The following TRAPPC2L variants were observed in gnomAD, a reference collection of about 807,000 sequenced individuals.
TRAPPC2L encodes the protein trafficking protein particle complex subunit 2L.
In TRAPPC2L, 17 loss-of-function variants were observed where a neutral mutation model predicts 13.2. The observed-to-expected ratio is 1.29, with a 90% confidence interval of 0.88 to 1.93. The LOEUF (loss-of-function observed/expected upper bound fraction) is 1.93, where lower values mean the gene tolerates loss of function less well. Ranked by LOEUF, TRAPPC2L falls within the 30% of genes most tolerant of loss-of-function variation. The pLI is 0.00. For missense variants in TRAPPC2L, 359 were observed against 252.1 expected, an observed-to-expected ratio of 1.42 and a Z score of -2.87; for synonymous variants, 150 against 98.1, an observed-to-expected ratio of 1.53 and a Z score of -3.12.
chr16:88,856,620 C>T (rs1474241456), upstream of TRAPPC2L: 6 of 383,510 alleles, frequency 1.6e-5, no homozygotes, highest in East Asian at 1.6e-4. Flanking sequence ...CGCGCGGGGC[C>T]TCCCCCCTTC....
chr16:88,857,703 A>C (rs570879503), intron 1 of TRAPPC2L, among the ~76,000 whole-genome samples: 102 of 152,138 alleles, frequency 6.7e-4, no homozygotes, highest in Non-Finnish European at 1.2e-3. Flanking sequence ...CTCCGCTCCA[A>C]CCAAACAATT....
chr16:88,860,163 C>T, exon 4 of TRAPPC2L: 1 of 713,818 alleles, frequency 1.4e-6, no homozygotes. Flanking sequence ...ACACAGATCT[C>T]CAGCGCATAA....
intron 2 of TRAPPC2L, chr16:88,859,053 C>T (rs549418356): frequency 1.6e-4 from 84 of 519,442 alleles, no homozygotes; most frequent in Non-Finnish European, 2.5e-4. Flanking sequence ...GGAAGTGGGA[C>T]ACTTCTGCTT....
upstream of TRAPPC2L, chr16:88,856,865 C>T (rs1415400985): frequency 2.0e-6 from 3 of 1,510,086 alleles, no homozygotes; most frequent in Non-Finnish European, 2.6e-6. Flanking sequence ...GTCGCCGCGA[C>T]AACCGCCGCC....
exon 4 of TRAPPC2L, chr16:88,861,020 T>C (rs1968352807): frequency 6.6e-7 from 1 of 1,524,320 alleles, no homozygotes. Flanking sequence ...GGGCCGTCGG[T>C]CTGTTCTGGT....
upstream of TRAPPC2L, chr16:88,856,638 G>GGCCT: frequency 2.8e-6 from 1 of 350,892 alleles, no homozygotes; most frequent in Non-Finnish European, 5.5e-6. Context: ...TTCCCCAAGG[G>GGCCT]GCCTCCCCTC....
At chr16:88,857,755 C>A (rs1394247084) in intron 1 of TRAPPC2L, among the ~76,000 whole-genome samples, 1 of 152,224 alleles carries the variant, frequency 6.6e-6, no homozygotes, top group African/African-American at 2.4e-5. Context: ...ACCTGTGGGC[C>A]TTTGCACGCG....
intron 2 of TRAPPC2L, 52 bp downstream of exon 2, chr16:88,858,843 T>G: frequency 2.6e-6 from 4 of 1,551,494 alleles, no homozygotes; most frequent in Non-Finnish European, 3.5e-6. Flanking sequence ...TTGCAAGATG[T>G]ACTTTAGGAT....
chr16:88,857,043 C>T (rs1967963014), upstream of TRAPPC2L: 1 of 1,432,434 alleles, frequency 7.0e-7, no homozygotes, highest in East Asian at 2.9e-5. Flanking sequence ...GCCTCGTGAC[C>T]AGTGGGGCGG....
chr16:88,858,838 A>G lies in TRAPPC2L; in HGVS notation c.206+47A>G, dbSNP rs776839163. On this transcript the variant is annotated intron_variant, in intron 2 of 3. Transcript: ENST00000565504. ...GTGTCAGGGAGGACCTACAGTTGCA[A>G]GATGTACTTTAGGATCAGATAACTT... 2.5e-6 allele frequency: 4 copies of G among 1,572,138 alleles called. No individual in the cohort carries two copies. The Admixed American group carries it at 5.6e-5, about 22-fold the overall frequency.
At chr16:88,861,337 G>A (rs985864902) in exon 4 of TRAPPC2L, 1 of 364,270 alleles carries the variant, frequency 2.7e-6, no homozygotes, top group African/African-American at 2.1e-5. Flanking sequence ...GGGCTGGTCT[G>A]GAGGGGGTGG....
At chr16:88,856,787 G>T, upstream of TRAPPC2L, 1 of 1,543,820 alleles carries the variant, frequency 6.5e-7, no homozygotes, top group Admixed American at 1.9e-5. Flanking sequence ...AGGATGTTGG[G>T]GGGCTGCGGG....
At chr16:88,861,729 C>T (rs752184052) in exon 4 of TRAPPC2L, 5 of 460,102 alleles carry the variant, frequency 1.1e-5, no homozygotes, top group Admixed American at 4.7e-5. Context: ...GCTCAGCCCG[C>T]TGAGGGGACC....
chr16:88,856,922 G>GCGAGCGTCCGCCGGCCCTTC, upstream of TRAPPC2L: 1 of 1,483,162 alleles, frequency 6.7e-7, no homozygotes, highest in Non-Finnish European at 8.9e-7. Flanking sequence ...AGCCGACCTA[G>GCGAGCGTCCGCCGGCCCTTC]CGAGCGTCCG....
chr16:88,859,275 A>T (rs1407912573), intron 2 of TRAPPC2L: 3 of 582,362 alleles, frequency 5.2e-6, no homozygotes, highest in Non-Finnish European at 9.7e-6. Flanking sequence ...GCTAGTAGCC[A>T]CTATTTTACA....
exon 4 of TRAPPC2L, chr16:88,860,213 C>G (rs759268018): frequency 7.4e-5 from 52 of 705,388 alleles, no homozygotes; most frequent in Non-Finnish European, 1.1e-4. Flanking sequence ...TAGAGCTTGC[C>G]CATTTGGCTT....
At chr16:88,860,512 G>A in exon 4 of TRAPPC2L, 2 of 598,652 alleles carry the variant, frequency 3.3e-6, no homozygotes, top group South Asian at 4.1e-5. Flanking sequence ...CAGGGAAGAG[G>A]ACGCTGCAGT....
exon 4 of TRAPPC2L, chr16:88,860,432 G>T: frequency 6.6e-6 from 4 of 606,228 alleles, no homozygotes; most frequent in Non-Finnish European, 1.2e-5. Flanking sequence ...GGAAATGTGG[G>T]GTCCATGCCC....
chr16:88,859,005 T>C (rs778194608), intron 2 of TRAPPC2L: 113 of 583,598 alleles, frequency 1.9e-4, no homozygotes, highest in Non-Finnish European at 3.0e-4. Flanking sequence ...CCCCGTAGAA[T>C]GTTTTGGTTT....
Sources: allele counts gnomAD v4.1 joint callset (sites outside exome capture counted in the v4.1 genomes callset), GRCh38; gene constraint gnomAD v4.1.1; transcripts MANE v1.5; gene names NCBI Gene and HGNC (gene_info 2026-07-23, HGNC 2026-07-21).